The following SHE variants were observed in gnomAD, a reference collection of about 807,000 sequenced individuals.
The protein encoded by SHE is Src homology 2 domain containing E.
SHE carries 11 observed loss-of-function variants against 49.8 expected under a neutral mutation model. That is an observed-to-expected ratio of 0.22 (90% CI 0.14 to 0.37). SHE has a LOEUF of 0.37. SHE is among the 10% of genes least tolerant of loss of function. The probability of loss-of-function intolerance (pLI) is 1.00; values close to 1 mark genes in which losing one functional copy is unlikely to be tolerated. For missense variants in SHE, 624 were observed against 655.5 expected (o/e 0.95, Z 0.52); for synonymous variants, 310 against 278.1 (o/e 1.11, Z -1.14).
chr1:154,482,572 T>C lies in SHE; in HGVS notation c.*1577A>G, dbSNP rs1273563278. 1 of 985,302 alleles carries C rather than the reference T, an allele frequency of 1.0e-6. No homozygotes were observed. The highest frequency in any genetic ancestry group is 1.7e-5 in the African/African-American group (1 of 57,240). The allele number at this position is 985,302 out of a possible 1,614,324, so 61.0% of individuals were successfully genotyped here. On this transcript the variant is annotated 3_prime_UTR_variant, in exon 6 of 6. Transcript: ENST00000304760. ...TTTTCATTGATGACAGTCAGTACAT[T>C]TGCATATGGGGCAGTTTTGAGACCC...
intron 2 of SHE, 79 bp from the exon 3 acceptor site, chr1:154,489,435 C>A: frequency 1.3e-6 from 2 of 1,520,334 alleles, no homozygotes; most frequent in South Asian, 1.3e-5. Flanking sequence ...AAAGCCTGGT[C>A]ATTAACCCAA....
chr1:154,492,140 T>C (rs1433915538), intron 2 of SHE, among the ~76,000 whole-genome samples: 5 of 152,130 alleles, frequency 3.3e-5, no homozygotes, highest in Non-Finnish European at 7.4e-5. Flanking sequence ...AAAACTTAGG[T>C]ATAGGCTGAG....
chr1:154,493,435 GAGA>G (rs1401391123), intron 2 of SHE, among the ~76,000 whole-genome samples: 1 of 152,192 alleles, frequency 6.6e-6, no homozygotes, highest in Admixed American at 6.5e-5. Flanking sequence ...AAACGAGCCT[GAGA>G]AGGAGGAAAT....
chr1:154,488,247 T>C (rs1692245151), intron 3 of SHE, among the ~76,000 whole-genome samples: 1 of 151,468 alleles, frequency 6.6e-6, no homozygotes, highest in Non-Finnish European at 1.5e-5. Flanking sequence ...AGCATAGTTA[T>C]ACTTTTGTAT....
rs756162267 is a variant in SHE, at chr1:154,484,382, C to A, written c.1302-47G>T. ...AGACATGAATGAGTGGGCAGAGGAT[C>A]CCTCCCCACTGAAAACAATTGCAGC... On this transcript the variant is annotated intron_variant, in intron 5 of 5. Coordinates refer to ENST00000304760, the MANE Select transcript of SHE (RefSeq NM_001010846.3). 1.4e-5 allele frequency: 22 copies of A among 1,536,676 alleles called. No individual in the cohort carries two copies. In the East Asian group the frequency reaches 4.5e-4, roughly 32 times the overall value.
At position 154,486,154 on chromosome 1, in the gene SHE, G is replaced by C. The variant is rs546778782; in HGVS notation, c.1182-92C>G. The stretch of plus-strand genomic sequence containing the variant: ...TGCTCCATAAAGCGTTGTTTGAAAT[G>C]AACTTCTGGCAGAGACGCAACAGCC... On this transcript the variant is annotated intron_variant, in intron 4 of 5. Coordinates refer to ENST00000304760, the MANE Select transcript of SHE (RefSeq NM_001010846.3). 1.1e-4 allele frequency: 173 copies of C among 1,539,958 alleles called. 5 individuals are homozygous for C. In the South Asian group the frequency reaches 2.0e-3, roughly 17 times the overall value.
At chr1:154,478,365 A>G (rs1454096615), downstream of SHE, among the ~76,000 whole-genome samples, 2 of 150,638 alleles carry the variant, frequency 1.3e-5, no homozygotes, top group Non-Finnish European at 2.9e-5. Context: ...CAGGCTGTGC[A>G]GCGAAGAAAA....
At chr1:154,475,608 A>C (rs757622460), downstream of SHE, among the ~76,000 whole-genome samples, 3 of 152,364 alleles carry the variant, frequency 2.0e-5, no homozygotes, top group Non-Finnish European at 4.4e-5. Context: ...AGATAGCTTT[A>C]TTAAACAATT....
chr1:154,476,063 C>G (rs1342807328), downstream of SHE, among the ~76,000 whole-genome samples: 1 of 152,096 alleles, frequency 6.6e-6, no homozygotes. Flanking sequence ...TGAAGCAGTC[C>G]AGGACGGTGC....
chr1:154,470,995 G>A (rs537988141), intron 1 of SHE, among the ~76,000 whole-genome samples: 1 of 147,264 alleles, frequency 6.8e-6, no homozygotes, highest in Non-Finnish European at 1.5e-5. Flanking sequence ...GGGTGACAAA[G>A]AGTGAGTGAG....
At chr1:154,479,227 A>C (rs1361321584), downstream of SHE, among the ~76,000 whole-genome samples, 19 of 152,222 alleles carry the variant, frequency 1.2e-4, no homozygotes, top group Non-Finnish European at 2.1e-4. Flanking sequence ...ACTCAGGAAG[A>C]GATGGGCCAG....
chr1:154,475,948 C>T (rs918175820), downstream of SHE, among the ~76,000 whole-genome samples: 4 of 152,160 alleles, frequency 2.6e-5, no homozygotes, highest in South Asian at 8.3e-4. Flanking sequence ...AGGCATGAGC[C>T]ACTGTGCCCA....
intron 3 of SHE, among the ~76,000 whole-genome samples, chr1:154,487,940 C>CTT (rs899954087): frequency 6.9e-6 from 1 of 144,364 alleles, no homozygotes. Flanking sequence ...ATTGGTTATA[C>CTT]TTTTTTTTTT....
rs763671177 is a variant in SHE, at chr1:154,501,722, C to G, written c.305G>C (p.Arg102Pro). The G allele has an allele frequency of 1.2e-6, 2 of 1,600,558 alleles. No homozygotes were observed. Among genetic ancestry groups the G allele is most frequent in the Non-Finnish European group, 1.7e-6 (2 of 1,175,742 alleles). ...ACCCTGCAGGCTGTCGCGGGACAGC[C>G]GGCTGTCCTTGGGGCCGACGCCGGC... is the stretch of plus-strand genomic sequence containing the variant. ...GRAGVGPKDS[R>P]LSRDSLQGLI... Residue 102 changes from arginine to proline, a missense_variant, in exon 1 of 6, where the codon CGG becomes CCG. Around this residue, in one of 4 missense-constraint regions of SHE, gnomAD observed 337 missense variants for 306.0 expected, o/e 1.10. Coordinates refer to ENST00000304760, the MANE Select transcript of SHE (RefSeq NM_001010846.3).
chr1:154,499,387 G>T, intron 1 of SHE, 149 bp from the exon 2 acceptor site: 2 of 807,286 alleles, frequency 2.5e-6, no homozygotes, highest in Non-Finnish European at 3.7e-6. Context: ...TTGATCATGT[G>T]TCCCAGTTAG....
At position 154,483,105 on chromosome 1, in the gene SHE, T is replaced by C. The variant is rs1051007643; in HGVS notation, c.*1044A>G. ...AATGAAATTTTTGTTGTACCTTTTA[T>C]TCTATAATTCAGAATTCTAATAATG... On this transcript the variant is annotated 3_prime_UTR_variant, in exon 6 of 6. Coordinates refer to ENST00000304760, the MANE Select transcript of SHE (RefSeq NM_001010846.3). 4.0e-5 allele frequency: 39 copies of C among 984,944 alleles called. No homozygotes were observed. The African/African-American group carries it at 5.6e-4, about 14-fold the overall frequency. 61.0% of individuals were successfully genotyped at this position (984,944 alleles called of 1,614,324 possible).
intron 1 of SHE, among the ~76,000 whole-genome samples, chr1:154,471,600 A>G (rs1354334473): frequency 6.6e-6 from 1 of 151,778 alleles, no homozygotes; most frequent in East Asian, 1.9e-4. Context: ...CAAACAAAAC[A>G]CCACTAGTTC....
At position 154,486,527 on chromosome 1, in the gene SHE, G is replaced by C; in HGVS notation, c.1181C>G (p.Pro394Arg). Residue 394 changes from proline (P) to arginine (R), a missense_variant and splice_region_variant, in exon 4 of 6, where the codon CCC becomes CGC. Pro to Arg is a moderately radical substitution (Grantham distance 103). Transcript: ENST00000304760. Reference sequence around the variant, plus strand: ...ACAAGGATCTGAGGAGGAGACTCACGGCTGCTTCTCCAGGGGCAGGCCCGG... The same window carrying C: ...ACAAGGATCTGAGGAGGAGACTCACCGCTGCTTCTCCAGGGGCAGGCCCGG... ...VDPGLPLEKQPWYHGAISRAE... is the reference protein window; with the variant it reads ...VDPGLPLEKQRWYHGAISRAE... 6.2e-7 allele frequency: 1 copy of C among 1,613,914 alleles called. No homozygotes were observed.
intron 2 of SHE, among the ~76,000 whole-genome samples, chr1:154,492,089 G>A (rs1358961015): frequency 6.6e-6 from 1 of 152,174 alleles, no homozygotes. Context: ...CAACAAATGA[G>A]GGAAACGTTA....
Sources: gnomAD v4.1 joint callset for allele counts (sites outside exome capture counted in the v4.1 genomes callset) on GRCh38, gnomAD v4.1.1 for gene constraint, gnomAD v4.1.1 regional missense constraint, MANE v1.5 for transcripts, NCBI Gene and HGNC (gene_info 2026-07-23, HGNC 2026-07-21) for gene names.